Variants in RBFOX1 observed in about 807,000 individuals in gnomAD.
The protein encoded by RBFOX1 is RNA binding fox-1 homolog 1.
Under a neutral mutation model 57.7 loss-of-function variants are expected in RBFOX1, and 8 were observed. That is an observed-to-expected ratio of 0.14 (90% CI 0.08 to 0.25). The LOEUF (loss-of-function observed/expected upper bound fraction) is 0.25. RBFOX1 is among the 10% of genes least tolerant of loss of function. The pLI is 1.00. For synonymous variants in RBFOX1, 326 were observed against 222.4 expected, an observed-to-expected ratio of 1.47 and a Z score of -4.15; for missense variants, 611 against 548.5, an observed-to-expected ratio of 1.11 and a Z score of -1.14.
chr16:5,253,302 A>G (rs1323974634), intron 1 of RBFOX1, among the ~76,000 whole-genome samples: 1 of 151,910 alleles, frequency 6.6e-6, no homozygotes, highest in South Asian at 2.1e-4. Context: ...GGCACCCACA[A>G]CCACACCCAG....
chr16:6,920,472 A>T (rs1316975335), intron 3 of RBFOX1, among the ~76,000 whole-genome samples: 1 of 152,232 alleles, frequency 6.6e-6, no homozygotes, highest in Non-Finnish European at 1.5e-5. Flanking sequence ...TGTCCTAGAC[A>T]TTAAGGGAGC....
chr16:6,425,740 TAGAGTTTGC>T (rs1567243443), intron 2 of RBFOX1, among the ~76,000 whole-genome samples: 1 of 152,194 alleles, frequency 6.6e-6, no homozygotes, highest in Non-Finnish European at 1.5e-5. Context: ...AACGTTTTGA[TAGAGTTTGC>T]AGAGTTTGCT....
chr16:5,730,243 T>G (rs1351435420), intron 3 of RBFOX1, among the ~76,000 whole-genome samples: 2 of 152,194 alleles, frequency 1.3e-5, no homozygotes. Context: ...AGGTTTATTC[T>G]CTTTTTTTCT....
intron 4 of RBFOX1, among the ~76,000 whole-genome samples, chr16:5,881,317 G>T (rs1043269804): frequency 1.3e-5 from 2 of 152,164 alleles, no homozygotes; most frequent in African/African-American, 2.4e-5. Flanking sequence ...GGTAGTGATG[G>T]CATCTCTGCC....
At chr16:5,291,261 GTTTT>G (rs71142610) in intron 1 of RBFOX1, among the ~76,000 whole-genome samples, 1 of 118,810 alleles carries the variant, frequency 8.4e-6, no homozygotes, top group Non-Finnish European at 1.7e-5. Context: ...TTTATCATTG[GTTTT>G]TTTTTTTTTT....
intron 4 of RBFOX1, among the ~76,000 whole-genome samples, chr16:7,182,711 C>T (rs1025263276): frequency 2.6e-5 from 4 of 151,340 alleles, no homozygotes; most frequent in African/African-American, 9.7e-5. Context: ...GGGATCAGCA[C>T]CCTGGACAGC....
chr16:6,855,669 G>C (rs972927458), intron 3 of RBFOX1, among the ~76,000 whole-genome samples: 3 of 128,854 alleles, frequency 2.3e-5, no homozygotes, highest in East Asian at 4.8e-4. Context: ...AAAAAAAAAA[G>C]ATCTTTTAAC....
chr16:5,637,340 A>C (rs2048714238), intron 3 of RBFOX1, among the ~76,000 whole-genome samples: 5 of 152,164 alleles, frequency 3.3e-5, no homozygotes. Flanking sequence ...ATGTCTTAGT[A>C]GATAGGTAAG....
chr16:5,988,923 C>T (rs148898445), intron 4 of RBFOX1, among the ~76,000 whole-genome samples: 1 of 152,214 alleles, frequency 6.6e-6, no homozygotes, highest in Non-Finnish European at 1.5e-5. Flanking sequence ...TTTAGATGGG[C>T]ATGCTCCAAA....
At chr16:7,584,489 C>A (rs1222712810) in intron 6 of RBFOX1, among the ~76,000 whole-genome samples, 1 of 152,102 alleles carries the variant, frequency 6.6e-6, no homozygotes, top group Non-Finnish European at 1.5e-5. Flanking sequence ...GACAGGGTTT[C>A]ACCAAGTTGG....
At chr16:5,287,586 G>A (rs2063428013) in intron 1 of RBFOX1, among the ~76,000 whole-genome samples, 1 of 152,176 alleles carries the variant, frequency 6.6e-6, no homozygotes, top group Non-Finnish European at 1.5e-5. Context: ...ATGGATCTAT[G>A]GATCAGCTGA....
In RBFOX1 at chr16:7,672,824, G is replaced by A. The variant is rs528854507; in HGVS notation, c.931-3950G>A. 1.2e-3 allele frequency among the ~76,000 whole-genome samples: 142 copies of A among 113,882 alleles called. 1 individual carries two copies. The highest frequency in any genetic ancestry group is 4.1e-3 in the Admixed American group (31 of 7,636). The allele number at this position is 113,882 out of a possible 152,430, so 74.7% of individuals were successfully genotyped here. A position where few individuals can be genotyped will look rare whatever the true frequency, so the allele number is the denominator to read the frequency against. The stretch of plus-strand genomic sequence containing the variant: ...ACAGATTGCAGTGAGCCGAGATTGC[G>A]CCATTGTACTCCAGCCTGGGTGACA... On this transcript the variant is annotated intron_variant, in intron 13 of 15. Coordinates refer to ENST00000550418, the MANE Select transcript of RBFOX1 (RefSeq NM_018723.4).
intron 4 of RBFOX1, among the ~76,000 whole-genome samples, chr16:7,468,862 A>C (rs1394626084): frequency 6.6e-6 from 1 of 152,026 alleles, no homozygotes; most frequent in African/African-American, 2.4e-5. Context: ...GGAGGTTGCG[A>C]GGATCACAGG....
At chr16:6,365,969 T>C (rs982513969) in intron 2 of RBFOX1, among the ~76,000 whole-genome samples, 1 of 151,558 alleles carries the variant, frequency 6.6e-6, no homozygotes, top group Non-Finnish European at 1.5e-5. Context: ...TTTCCCCTCC[T>C]TCTCTGGGTG....
At chr16:5,916,342 C>T (rs1467534822) in intron 4 of RBFOX1, among the ~76,000 whole-genome samples, 1 of 152,154 alleles carries the variant, frequency 6.6e-6, no homozygotes, top group African/African-American at 2.4e-5. Flanking sequence ...GTCTTACTGT[C>T]TATCAGCTTG....
At chr16:6,464,410 G>A (rs893599704) in intron 2 of RBFOX1, among the ~76,000 whole-genome samples, 2 of 137,354 alleles carry the variant, frequency 1.5e-5, no homozygotes, top group East Asian at 2.0e-4. Flanking sequence ...AAATAGCTAC[G>A]CCAATACACA....
chr16:6,932,081 G>A (rs111685313), intron 3 of RBFOX1, among the ~76,000 whole-genome samples: 3 of 151,940 alleles, frequency 2.0e-5, no homozygotes, highest in East Asian at 3.9e-4. Context: ...TGATCATCTT[G>A]GTTTTTGTTG....
intron 4 of RBFOX1, among the ~76,000 whole-genome samples, chr16:7,469,797 C>G (rs2061230423): frequency 6.6e-6 from 1 of 152,136 alleles, no homozygotes; most frequent in African/African-American, 2.4e-5. Context: ...ACTTTTTCAT[C>G]TTGTGAAACT....
At chr16:6,287,796 T>C (rs2077049672) in intron 1 of RBFOX1, among the ~76,000 whole-genome samples, 1 of 152,278 alleles carries the variant, frequency 6.6e-6, no homozygotes, top group Admixed American at 6.5e-5. Context: ...CATTTACCTA[T>C]ATGTGGAGGA....
Sources: allele counts gnomAD v4.1 joint callset (sites outside exome capture counted in the v4.1 genomes callset), GRCh38; gene constraint gnomAD v4.1.1; transcripts MANE v1.5; gene names NCBI Gene and HGNC (gene_info 2026-07-23, HGNC 2026-07-21).